Variants in ADAMTSL1 observed in about 807,000 individuals in gnomAD.
ADAMTSL1 encodes the protein ADAMTS-like protein 1.
A neutral mutation model predicts 201.8 loss-of-function variants in ADAMTSL1; 126 were observed. The ratio of observed to expected loss-of-function variants is 0.62; its 90% CI spans 0.54 to 0.72. The LOEUF is 0.72. Among genes scored for constraint, ADAMTSL1 ranks in the 30% least tolerant of loss-of-function variants. The probability of loss-of-function intolerance (pLI) is 0.00; values close to 1 mark genes in which losing one functional copy is unlikely to be tolerated. For synonymous variants in ADAMTSL1, 1,121 were observed against 903.4 expected, an observed-to-expected ratio of 1.24 and a Z score of -4.32; for missense variants, 2,679 against 2,277.8, an observed-to-expected ratio of 1.18 and a Z score of -3.59.
chr9:18,797,247 T>A (rs1822479608), intron 20 of ADAMTSL1, among the ~76,000 whole-genome samples: 1 of 152,150 alleles, frequency 6.6e-6, no homozygotes, highest in Admixed American at 6.5e-5. Context: ...TTTGTATAGG[T>A]CTGCTGGAAA....
chr9:18,237,581 T>C (rs1018205679), intron 2 of ADAMTSL1, among the ~76,000 whole-genome samples: 122 of 152,312 alleles, frequency 8.0e-4, no homozygotes, highest in African/African-American at 2.8e-3. Flanking sequence ...CGTCCTGTTA[T>C]ATAGAAAACC....
chr9:17,993,249 T>C (rs751025276), intron 1 of ADAMTSL1, among the ~76,000 whole-genome samples: 3 of 152,216 alleles, frequency 2.0e-5, no homozygotes, highest in Non-Finnish European at 4.4e-5. Flanking sequence ...TGGCCTTTTA[T>C]GAAGTTAGGG....
intron 6 of ADAMTSL1, among the ~76,000 whole-genome samples, chr9:18,636,385 T>G (rs963634842): frequency 5.9e-5 from 9 of 152,146 alleles, no homozygotes; most frequent in Admixed American, 3.9e-4. Context: ...CCCACTTCTC[T>G]TTTCTTCCTT....
intron 9 of ADAMTSL1, among the ~76,000 whole-genome samples, chr9:18,670,785 A>G (rs1045667487): frequency 5.3e-5 from 8 of 152,204 alleles, no homozygotes; most frequent in African/African-American, 1.9e-4. Flanking sequence ...ATGGTGATAA[A>G]CTAAAGAAAA....
chr9:17,930,595 T>C (rs1427264634), intron 1 of ADAMTSL1, among the ~76,000 whole-genome samples: 1 of 152,164 alleles, frequency 6.6e-6, no homozygotes, highest in Non-Finnish European at 1.5e-5. Context: ...AGTGTGTGGC[T>C]GATGTCTGGA....
intron 16 of ADAMTSL1, among the ~76,000 whole-genome samples, chr9:18,766,301 T>C (rs866041076): frequency 6.6e-6 from 1 of 152,144 alleles, no homozygotes; most frequent in Non-Finnish European, 1.5e-5. Flanking sequence ...AGGGCAGGGT[T>C]AGAGGAGTAT....
At chr9:18,288,074 G>A (rs1310448233) in intron 2 of ADAMTSL1, among the ~76,000 whole-genome samples, 1 of 152,122 alleles carries the variant, frequency 6.6e-6, no homozygotes, top group Non-Finnish European at 1.5e-5. Context: ...GGAGTGGAGA[G>A]AGAGGATGAC....
chr9:18,255,242 A>G (rs998326285), intron 2 of ADAMTSL1, among the ~76,000 whole-genome samples: 14 of 152,292 alleles, frequency 9.2e-5, no homozygotes, highest in African/African-American at 3.1e-4. Context: ...GTAACTCCAC[A>G]CAGAAACCAC....
intron 2 of ADAMTSL1, among the ~76,000 whole-genome samples, chr9:18,332,459 C>G (rs955595025): frequency 6.7e-6 from 1 of 149,964 alleles, no homozygotes; most frequent in African/African-American, 2.4e-5. Flanking sequence ...CAGTTTTCCT[C>G]CTTTTTTTAG....
chr9:18,237,307 C>T (rs1297641770), intron 2 of ADAMTSL1, among the ~76,000 whole-genome samples: 2 of 152,156 alleles, frequency 1.3e-5, no homozygotes. Context: ...GGAGGAAGAA[C>T]ATGACAGTGA....
intron 3 of ADAMTSL1, among the ~76,000 whole-genome samples, chr9:18,544,884 A>C: frequency 6.6e-6 from 1 of 152,232 alleles, no homozygotes; most frequent in East Asian, 1.9e-4. Context: ...ATCATTCAAC[A>C]GCTCAACTTT....
intron 2 of ADAMTSL1, among the ~76,000 whole-genome samples, chr9:18,418,856 G>A (rs1818811522): frequency 6.6e-6 from 1 of 152,200 alleles, no homozygotes; most frequent in Non-Finnish European, 1.5e-5. Flanking sequence ...CAATGTATGT[G>A]AAAGGCAAAG....
chr9:18,669,555 T>C (rs1442595758), intron 9 of ADAMTSL1, among the ~76,000 whole-genome samples: 1 of 152,214 alleles, frequency 6.6e-6, no homozygotes, highest in African/African-American at 2.4e-5. Context: ...TTTTTAAAAA[T>C]GGGACCTAAT....
chr9:18,224,285 A>G (rs892147361), intron 2 of ADAMTSL1, among the ~76,000 whole-genome samples: 25 of 152,146 alleles, frequency 1.6e-4, no homozygotes, highest in African/African-American at 4.6e-4. Flanking sequence ...TCTGCTTTCA[A>G]GATGGTGCCC....
At chr9:18,535,577 A>T (rs2132120528) in intron 3 of ADAMTSL1, among the ~76,000 whole-genome samples, 1 of 152,284 alleles carries the variant, frequency 6.6e-6, no homozygotes, top group Non-Finnish European at 1.5e-5. Context: ...CCCACTCCTG[A>T]TACCATTTTA....
At chr9:18,370,448 C>A (rs986546091) in intron 2 of ADAMTSL1, among the ~76,000 whole-genome samples, 14 of 152,128 alleles carry the variant, frequency 9.2e-5, no homozygotes, top group Non-Finnish European at 1.3e-4. Context: ...TGTACCCCCC[C>A]CGAATCCATA....
At position 18,680,486 on chromosome 9, in the gene ADAMTSL1, C is replaced by T; in HGVS notation, c.1311C>T (p.Cys437=). ...CGCAGCCCTGCAACATTTTTGACTG[C>T]CCTAAATGGCTGGCACAGGAGTGGT... ...PIAQPCNIFD[C]PKWLAQEWSP... The change falls in exon 11 of 29, where the codon TGC becomes TGT. Residue 437 remains cysteine, a synonymous_variant. Transcript: ENST00000380548. The T allele has an allele frequency of 6.2e-7, 1 of 1,614,104 alleles. No homozygotes were observed. Among genetic ancestry groups the T allele is most frequent in the Non-Finnish European group, 8.5e-7 (1 of 1,180,022 alleles).
At chr9:17,995,713 A>G (rs1453583665) in intron 1 of ADAMTSL1, among the ~76,000 whole-genome samples, 1 of 152,010 alleles carries the variant, frequency 6.6e-6, no homozygotes, top group Admixed American at 6.6e-5. Flanking sequence ...AAGATTGCTT[A>G]AATTAATAGA....
chr9:18,078,491 T>G (rs567884084), intron 1 of ADAMTSL1, among the ~76,000 whole-genome samples: 1 of 152,286 alleles, frequency 6.6e-6, no homozygotes, highest in Admixed American at 6.5e-5. Context: ...GCTGACTAAC[T>G]TTCAGGCTCA....
Sources: allele counts gnomAD v4.1 joint callset (sites outside exome capture counted in the v4.1 genomes callset), GRCh38; gene constraint gnomAD v4.1.1; transcripts MANE v1.5; gene names NCBI Gene and HGNC (gene_info 2026-07-23, HGNC 2026-07-21).